DLD: variants seen among roughly 807,000 people sequenced by gnomAD.
DLD encodes dihydrolipoyl dehydrogenase, mitochondrial.
Under a neutral mutation model 62.2 loss-of-function variants are expected in DLD, and 36 were observed. The ratio of observed to expected loss-of-function variants is 0.58; its 90% CI spans 0.44 to 0.76. The LOEUF (loss-of-function observed/expected upper bound fraction) is 0.76. Among genes scored for constraint, DLD ranks in the 30% least tolerant of loss-of-function variants. The pLI, the probability that DLD is intolerant of heterozygous loss-of-function variation, is 0.00. For synonymous variants in DLD, 204 were observed against 199.6 expected (o/e 1.02, Z -0.19); for missense variants, 541 against 608.6 (o/e 0.89, Z 1.17).
intron 4 of DLD, 78 bp downstream of exon 4, chr7:107,902,471 G>C: frequency 8.3e-7 from 1 of 1,197,792 alleles, no homozygotes; most frequent in South Asian, 1.2e-5. Flanking sequence ...GACTAGATTA[G>C]ACAAATACAC....
intron 11 of DLD, 132 bp from the exon 12 acceptor site, chr7:107,917,792 C>A (rs1205976324): frequency 1.7e-6 from 2 of 1,168,724 alleles, no homozygotes; most frequent in Middle Eastern, 2.1e-4. Flanking sequence ...TCTGGTCTTT[C>A]CTTTCCTTCT....
At chr7:107,902,474 A>G (rs948055987) in intron 4 of DLD, 81 bp downstream of exon 4, 1 of 1,183,386 alleles carries the variant, frequency 8.5e-7, no homozygotes, top group African/African-American at 1.5e-5. Context: ...TAGATTAGAC[A>G]AATACACTTG....
chr7:107,901,964 G>C (rs1284370757), intron 3 of DLD, 147 bp downstream of exon 3: 3 of 707,932 alleles, frequency 4.2e-6, no homozygotes, highest in Non-Finnish European at 7.4e-6. Context: ...TAAAGATTAG[G>C]TTCATTTGGT....
intron 8 of DLD, 145 bp from the exon 9 acceptor site, chr7:107,915,361 C>A: frequency 1.3e-6 from 1 of 775,946 alleles, no homozygotes; most frequent in Non-Finnish European, 2.1e-6. Context: ...ATATTTAACA[C>A]AGGGTCAATT....
rs2032341369 is a variant in DLD at position 107,919,044 on chromosome 7, C to G, written c.1409C>G (p.Ala470Gly). ...AGEMVNEAAL[A>G]LEYGASCEDI... Reference sequence around the variant, plus strand: ...GAAATGGTAAATGAAGCTGCTCTTGCTTTGGAATATGGAGCATCCTGTGAA... The same window carrying G: ...GAAATGGTAAATGAAGCTGCTCTTGGTTTGGAATATGGAGCATCCTGTGAA... The change falls in exon 13 of 14, where the codon GCT becomes GGT. Residue 470 changes from alanine (A) to glycine (G), a missense_variant. Ala to Gly is a moderately conservative substitution (Grantham distance 60). Transcript: ENST00000205402. The G allele has an allele frequency of 6.2e-7, 1 of 1,613,926 alleles. No individual in the cohort carries two copies.
chr7:107,904,438 AT>A (rs1291955330), intron 5 of DLD, among the ~76,000 whole-genome samples: 1 of 152,138 alleles, frequency 6.6e-6, no homozygotes, highest in Non-Finnish European at 1.5e-5. Context: ...CTAAAGTTTA[AT>A]TGAGTTGAGC....
chr7:107,897,823 C>T (rs2031766888), intron 2 of DLD, among the ~76,000 whole-genome samples: 1 of 152,060 alleles, frequency 6.6e-6, no homozygotes, highest in Non-Finnish European at 1.5e-5. Context: ...AAGTGATCCA[C>T]CCGCATTGGC....
intron 8 of DLD, among the ~76,000 whole-genome samples, chr7:107,911,113 C>G (rs994594212): frequency 6.6e-6 from 1 of 152,096 alleles, no homozygotes; most frequent in Non-Finnish European, 1.5e-5. Context: ...TTTTCATCAC[C>G]CTAAAAGAAA....
intron 8 of DLD, among the ~76,000 whole-genome samples, chr7:107,910,045 C>T (rs1048201887): frequency 1.3e-5 from 2 of 151,620 alleles, no homozygotes; most frequent in Non-Finnish European, 2.9e-5. Context: ...TTAGTAGGGA[C>T]GGGGTTTCAC....
At chr7:107,898,343 C>T (rs1470226858) in intron 2 of DLD, among the ~76,000 whole-genome samples, 2 of 136,976 alleles carry the variant, frequency 1.5e-5, no homozygotes, top group East Asian at 2.2e-4. Context: ...TTCAGTGACA[C>T]GATTTCAGTT....
At chr7:107,902,288 G>T (rs748690677) in intron 3 of DLD, 37 bp from the exon 4 acceptor site, 2 of 1,548,678 alleles carry the variant, frequency 1.3e-6, no homozygotes, top group Admixed American at 1.7e-5. Flanking sequence ...AAACATTGAG[G>T]TTATGTGCAG....
At chr7:107,910,143 C>T (rs2032105642) in intron 8 of DLD, among the ~76,000 whole-genome samples, 1 of 152,182 alleles carries the variant, frequency 6.6e-6, no homozygotes, top group Non-Finnish European at 1.5e-5. Flanking sequence ...GCATGAGCCA[C>T]CACACCCAGC....
At position 107,919,418 on chromosome 7, in the gene DLD, T is replaced by C; in HGVS notation, c.*159T>C. The C allele has an allele frequency of 1.7e-6, 1 of 592,282 alleles. No homozygotes were observed. Among genetic ancestry groups the C allele is most frequent in the Admixed American group, 3.1e-5 (1 of 32,362 alleles). 36.7% of individuals were successfully genotyped at this position (592,282 alleles called of 1,614,324 possible). The stretch of plus-strand genomic sequence containing the variant: ...AGGTTTGGACAAAATGGAATACTCT[T>C]ATATCTATATTTTACATAAATTTAG... On this transcript the variant is annotated 3_prime_UTR_variant, in exon 14 of 14. Coordinates refer to ENST00000205402, the MANE Select transcript of DLD (RefSeq NM_000108.5).
chr7:107,919,357 AG>A lies in DLD; in HGVS notation c.*100del. 1 of 989,718 alleles carries A rather than the reference AG, an allele frequency of 1.0e-6. No individual in the cohort carries two copies. Among genetic ancestry groups the A allele is most frequent in the Non-Finnish European group, 1.5e-6 (1 of 649,012 alleles). 61.3% of individuals were successfully genotyped at this position (989,718 alleles called of 1,614,324 possible). A position where few individuals can be genotyped will look rare whatever the true frequency, so the allele number is the denominator to read the frequency against. On this transcript the variant is annotated 3_prime_UTR_variant, in exon 14 of 14. Coordinates refer to ENST00000205402, the MANE Select transcript of DLD (RefSeq NM_000108.5). ...TATTCTCACAGCTCCAAGAATTTCT[AG>A]GACTGAATTATGAAACTTTTGGAAG... is the stretch of plus-strand genomic sequence containing the variant.
At position 107,898,295 on chromosome 7, in the gene DLD, G is replaced by GA. The variant is rs1491401484; in HGVS notation, c.119-3442dup. Among the ~76,000 whole-genome samples the GA allele has an allele frequency of 9.1e-3, 386 of 42,442 alleles. 2 individuals carry two copies. Among genetic ancestry groups the GA allele is most frequent in the African/African-American group, 0.034 (366 of 10,794 alleles). 27.8% of individuals were successfully genotyped at this position (42,442 alleles called of 152,430 possible). A position where few individuals can be genotyped will look rare whatever the true frequency, so the allele number is the denominator to read the frequency against. On this transcript the variant is annotated intron_variant, in intron 2 of 13. Coordinates refer to ENST00000205402, the MANE Select transcript of DLD (RefSeq NM_000108.5). ...CTTTTTTTTTTTTTTTTTTTTTTTTGAGACAGAGTTTAGCTCTTGTTGCCC... is the reference window on the plus strand; with the variant it reads ...CTTTTTTTTTTTTTTTTTTTTTTTTGAAGACAGAGTTTAGCTCTTGTTGCCC...
intron 2 of DLD, among the ~76,000 whole-genome samples, chr7:107,899,123 T>A (rs1270267917): frequency 6.6e-6 from 1 of 152,142 alleles, no homozygotes; most frequent in East Asian, 1.9e-4. Flanking sequence ...GTACCACATA[T>A]GTGCTCATTC....
chr7:107,906,135 A>T lies in DLD; in HGVS notation c.583-132A>T, dbSNP rs189603055. On this transcript the variant is annotated intron_variant, in intron 7 of 13. Coordinates refer to ENST00000205402, the MANE Select transcript of DLD (RefSeq NM_000108.5). ...GTACATGTTCAGTACAGATGCAACC[A>T]TCAATTTTTTTCCTGAATATTTTCA... The T allele has an allele frequency of 8.0e-4, 496 of 622,104 alleles. 6 individuals carry two copies. The highest frequency in any genetic ancestry group is 6.6e-3 in the Middle Eastern group (15 of 2,258). The allele number at this position is 622,104 out of a possible 1,614,324, so 38.5% of individuals were successfully genotyped here. A position where few individuals can be genotyped will look rare whatever the true frequency, so the allele number is the denominator to read the frequency against.
chr7:107,898,270 C>CTTTTTTTTTTT (rs67913323), intron 2 of DLD, among the ~76,000 whole-genome samples: 3 of 65,572 alleles, frequency 4.6e-5, no homozygotes, highest in African/African-American at 6.5e-5. Context: ...TTTCTGTATC[C>CTTTTTTTTTTT]TTTTTTTTTT....
chr7:107,900,898 C>T (rs2031859964), intron 2 of DLD, among the ~76,000 whole-genome samples: 1 of 152,156 alleles, frequency 6.6e-6, no homozygotes, highest in Non-Finnish European at 1.5e-5. Flanking sequence ...TAACTCTTAA[C>T]AGTCACTGTT....
Sources: gnomAD v4.1 joint callset for allele counts (sites outside exome capture counted in the v4.1 genomes callset) on GRCh38, gnomAD v4.1.1 for gene constraint, MANE v1.5 for transcripts, NCBI Gene and HGNC (gene_info 2026-07-23, HGNC 2026-07-21) for gene names.